DNAH10: variants seen among roughly 807,000 people sequenced by gnomAD.
The protein encoded by DNAH10 is dynein axonemal heavy chain 10, also known as axonemal beta dynein heavy chain 10.
In DNAH10, 348 loss-of-function variants were observed where a neutral mutation model predicts 506.6. The ratio of observed to expected loss-of-function variants is 0.69; its 90% CI spans 0.63 to 0.75. The LOEUF is 0.75. Ranked by LOEUF, DNAH10 falls within the 30% of genes least tolerant of loss-of-function variation. The pLI, the probability that DNAH10 is intolerant of heterozygous loss-of-function variation, is 0.00. For synonymous variants in DNAH10, 2,059 were observed against 2,198.6 expected (o/e 0.94, Z 1.78); for missense variants, 5,179 against 5,787.1 (o/e 0.89, Z 3.41).
intron 12 of DNAH10, among the ~76,000 whole-genome samples, chr12:123,795,727 C>A (rs144076071): frequency 7.6e-4 from 115 of 152,302 alleles, no homozygotes; most frequent in African/African-American, 2.7e-3. Context: ...ACGTGGACAT[C>A]TTTGGGAGGC....
intron 37 of DNAH10, among the ~76,000 whole-genome samples, chr12:123,858,101 T>C (rs185232707): frequency 6.6e-6 from 1 of 152,332 alleles, no homozygotes; most frequent in Non-Finnish European, 1.5e-5. Flanking sequence ...ATCAGGTGAC[T>C]CAAATATTTT....
chr12:123,797,810 C>A (rs966337389), intron 13 of DNAH10, among the ~76,000 whole-genome samples: 1 of 152,174 alleles, frequency 6.6e-6, no homozygotes, highest in Non-Finnish European at 1.5e-5. Flanking sequence ...ACCATCTTTT[C>A]GATATGATCT....
At position 123,887,316 on chromosome 12, in the gene DNAH10, A is replaced by G; in HGVS notation, c.8995+3A>G. Reference sequence around the variant, plus strand: ...CATCAACAACATGCTGACCTCAGGTACAGCCAAGGCTGGCGCCCGCTGTGG... The same window carrying G: ...CATCAACAACATGCTGACCTCAGGTGCAGCCAAGGCTGGCGCCCGCTGTGG... On this transcript the variant is annotated splice_donor_region_variant and intron_variant, in intron 52 of 78. Coordinates refer to ENST00000673944, the MANE Select transcript of DNAH10 (RefSeq NM_001372106.1). 2 of 1,612,854 alleles carry G rather than the reference A, an allele frequency of 1.2e-6. No individual in the cohort carries two copies. The highest frequency in any genetic ancestry group is 1.7e-6 in the Non-Finnish European group (2 of 1,179,540).
chr12:123,925,055 T>A lies in DNAH10; in HGVS notation c.11772T>A (p.Tyr3924Ter). ...ATATTCTTTGCTTTTCCCAGTGGTA[T>A]GACCTGGATTCACTGGAGCAGTTTC... ...ENNQTVWQEW[Y>*]DLDSLEQFPV... is the part of the protein sequence containing the mutation. Residue 3924 changes from tyrosine (Y) to a stop codon, truncating the protein, a stop_gained, in exon 68 of 79, where the codon TAT (tyrosine) becomes TAA (stop). Coordinates refer to ENST00000673944, the MANE Select transcript of DNAH10 (RefSeq NM_001372106.1). LOFTEE classifies it high-confidence loss of function. This position sits in a 1 kb window ranked among gnomAD's most constrained non-coding sequence, Gnocchi z 4.0. 1.9e-6 allele frequency: 3 copies of A among 1,613,998 alleles called. No homozygotes were observed. The highest frequency in any genetic ancestry group is 2.5e-6 in the Non-Finnish European group (3 of 1,179,868).
At chr12:123,779,000 T>G (rs148051740) in intron 5 of DNAH10, among the ~76,000 whole-genome samples, 1 of 151,722 alleles carries the variant, frequency 6.6e-6, no homozygotes, top group South Asian at 2.1e-4. Flanking sequence ...CCCGGGTTCA[T>G]GCCATTCTCC....
chr12:123,848,172 A>C, intron 33 of DNAH10, 77 bp downstream of exon 33: 1 of 1,537,480 alleles, frequency 6.5e-7, no homozygotes, highest in South Asian at 1.2e-5. Flanking sequence ...TTCACCTCCT[A>C]GTCTTTGACA....
chr12:123,767,872 C>T (rs568248039), intron 2 of DNAH10, among the ~76,000 whole-genome samples, 183 bp downstream of exon 2: 1 of 152,248 alleles, frequency 6.6e-6, no homozygotes, highest in East Asian at 1.9e-4. Flanking sequence ...CACAAGTGAC[C>T]ACAGACTGGG....
In DNAH10 at chr12:123,800,211, C is replaced by T. The variant is rs1026462000; in HGVS notation, c.2290-5C>T. ...GGCCGCGCTGATGGAATGTCTCTTC[C>T]ACAGTCTTCCATCGCCACAGAGGAG... is the stretch of plus-strand genomic sequence containing the variant. On this transcript the variant is annotated splice_polypyrimidine_tract_variant and splice_region_variant and intron_variant, in intron 14 of 78. Transcript: ENST00000673944. The T allele has an allele frequency of 1.9e-6, 3 of 1,612,996 alleles. No homozygotes were observed. The African/African-American group carries it at 4.0e-5, about 22-fold the overall frequency.
intron 29 of DNAH10, among the ~76,000 whole-genome samples, chr12:123,840,608 A>G (rs1286845122): frequency 6.6e-6 from 1 of 152,042 alleles, no homozygotes; most frequent in Non-Finnish European, 1.5e-5. Context: ...TTACTGTTGT[A>G]GAAAAATACA....
At chr12:123,849,022 A>G (rs1223481276) in intron 34 of DNAH10, 140 bp downstream of exon 34, 5 of 1,064,894 alleles carry the variant, frequency 4.7e-6, no homozygotes, top group South Asian at 3.3e-5. Context: ...GGTTTTTCCA[A>G]TTGAGATGAT....
In DNAH10 at chr12:123,820,576, C is replaced by T; in HGVS notation, c.4001-4C>T. On this transcript the variant is annotated splice_region_variant and splice_polypyrimidine_tract_variant and intron_variant, in intron 23 of 78. Transcript: ENST00000673944. ...ATTCACTCATCGGTGTATTTATTTA[C>T]TAGGAGTAGAGCTTTTAGGTGTTTA... The T allele has an allele frequency of 1.2e-6, 2 of 1,612,168 alleles. No homozygotes were observed. The highest frequency in any genetic ancestry group is 2.2e-5 in the East Asian group (1 of 44,874).
rs572984183 is a variant in DNAH10 at position 123,901,318 on chromosome 12, A to G, written c.9641-1621A>G. Among the ~76,000 whole-genome samples, 4 of 152,042 alleles carry G rather than the reference A, an allele frequency of 2.6e-5. No individual in the cohort carries two copies. In the East Asian group the frequency reaches 5.8e-4, roughly 22 times the overall value. On this transcript the variant is annotated intron_variant, in intron 56 of 78. Coordinates refer to ENST00000673944, the MANE Select transcript of DNAH10 (RefSeq NM_001372106.1). ...GCGCCTCAGCACGCTCACAGCTTAG[A>G]CAGCTTCCTTTCTGCTTTTCTGTTC...
intron 57 of DNAH10, among the ~76,000 whole-genome samples, chr12:123,906,084 G>A (rs911827962): frequency 1.3e-5 from 2 of 151,126 alleles, no homozygotes; most frequent in Non-Finnish European, 2.9e-5. Flanking sequence ...CGCCCGCCAC[G>A]ACGCCTGGCT....
At position 123,933,499 on chromosome 12, in the gene DNAH10, C is replaced by T. The variant is rs1285891478; in HGVS notation, c.13465C>T (p.Arg4489Trp). Residue 4489 changes from arginine (R) to tryptophan (W), a missense_variant, in exon 77 of 79, where the codon CGG (arginine) becomes TGG (tryptophan). By Grantham distance (101) the Arg-to-Trp change is moderately radical. This residue lies in a region of DNAH10 where 4,844 missense variants were observed against 5,430.5 expected (regional missense o/e 0.89). Coordinates refer to ENST00000673944, the MANE Select transcript of DNAH10 (RefSeq NM_001372106.1). Reference sequence around the variant, plus strand: ...CCAGGATGCAGATGAAGTGAATGAGCGGGCGGGACAAGGTACCGTCAGCTC... The same window carrying T: ...CCAGGATGCAGATGAAGTGAATGAGTGGGCGGGACAAGGTACCGTCAGCTC... The part of the protein sequence containing the change: ...KFQDADEVNE[R>W]AGQGCFVSGL... 10 of 1,602,610 alleles carry T rather than the reference C, an allele frequency of 6.2e-6. No individual in the cohort carries two copies. Among genetic ancestry groups the T allele is most frequent in the African/African-American group, 4.0e-5 (3 of 74,568 alleles).
intron 4 of DNAH10, 39 bp downstream of exon 4, chr12:123,772,981 G>A (rs1417615737): frequency 1.4e-6 from 2 of 1,432,530 alleles, no homozygotes; most frequent in Admixed American, 1.9e-5. Flanking sequence ...TGTGTTGAGG[G>A]GGTGTGGTTG....
Position 123,875,411 on chromosome 12 carries a change from T to C in DNAH10, c.8119T>C (p.Phe2707Leu), listed in dbSNP as rs745665726. 3.1e-6 allele frequency: 5 copies of C among 1,613,904 alleles called. No individual in the cohort carries two copies. The Admixed American group carries it at 8.3e-5, about 27-fold the overall frequency. The change falls in exon 47 of 79, where the codon TTC (phenylalanine) becomes CTC (leucine). Residue 2707 changes from phenylalanine (F) to leucine (L), a missense_variant. By Grantham distance (22) the Phe-to-Leu change is conservative (BLOSUM62 0). This residue lies in a region of DNAH10 where 4,844 missense variants were observed against 5,430.5 expected (regional missense o/e 0.89). Transcript: ENST00000673944. Reference sequence around the variant, plus strand: ...AGTTGACCCAAGATTTATTTCGCTATTCAGTGTCTTCAATGTGCCATTTCC... The same window carrying C: ...AGTTGACCCAAGATTTATTTCGCTACTCAGTGTCTTCAATGTGCCATTTCC... Reference protein sequence around the residue: ...NEVDPRFISLFSVFNVPFPSE... With the variant: ...NEVDPRFISLLSVFNVPFPSE...
intron 77 of DNAH10, 124 bp downstream of exon 77, chr12:123,933,635 C>A: frequency 1.8e-6 from 2 of 1,121,122 alleles, no homozygotes; most frequent in Non-Finnish European, 1.2e-6. Flanking sequence ...TGAAAGCCAG[C>A]CTGCTGCAAA....
At chr12:123,867,762 C>G (rs1951869431) in intron 42 of DNAH10, 141 bp from the exon 43 acceptor site, 1 of 1,319,310 alleles carries the variant, frequency 7.6e-7, no homozygotes, top group Non-Finnish European at 1.0e-6. Context: ...AGTCAAGATA[C>G]TGGGTTCCAT....
chr12:123,789,415 G>A (rs1565905403), intron 10 of DNAH10, among the ~76,000 whole-genome samples: 2 of 150,950 alleles, frequency 1.3e-5, no homozygotes, highest in South Asian at 2.1e-4. Context: ...ACAGAGTCTC[G>A]CTCTGTCACC....
Sources: gnomAD v4.1 joint callset for allele counts (sites outside exome capture counted in the v4.1 genomes callset) on GRCh38, gnomAD v4.1.1 for gene constraint, gnomAD v4.1.1 regional missense constraint, Gnocchi (gnomAD v3.1) non-coding constraint, MANE v1.5 for transcripts, NCBI Gene and HGNC (gene_info 2026-07-23, HGNC 2026-07-21) for gene names.